The following TSPEAR variants were observed in gnomAD, a reference collection of about 807,000 sequenced individuals.
The protein encoded by TSPEAR is thrombospondin-type laminin G domain and EAR repeat-containing protein.
TSPEAR carries 69 observed loss-of-function variants against 71.6 expected under a neutral mutation model. That is an observed-to-expected ratio of 0.96 (90% CI 0.79 to 1.18). The LOEUF is 1.18. Among genes scored for constraint, TSPEAR ranks in the 50% most tolerant of loss-of-function variants. TSPEAR has a pLI of 0.00. For synonymous variants in TSPEAR, 402 were observed against 387.2 expected, an observed-to-expected ratio of 1.04 and a Z score of -0.45; for missense variants, 971 against 894.9, an observed-to-expected ratio of 1.09 and a Z score of -1.09.
rs375783785 is a variant in TSPEAR, at chr21:44,577,520, C to T, written c.83-9515G>A. Among the ~76,000 whole-genome samples the T allele has an allele frequency of 2.3e-3, 347 of 152,252 alleles. 1 individual carries two copies. Among genetic ancestry groups the T allele is most frequent in the African/African-American group, 7.5e-3 (310 of 41,542 alleles). ...GAGACAGAGAGGAGGGAGTGCCAGG[C>T]TCTTGTAAACAACCAGCTGTCCATG... On this transcript the variant is annotated intron_variant, in intron 1 of 11. Transcript: ENST00000323084.
intron 2 of TSPEAR, among the ~76,000 whole-genome samples, chr21:44,554,788 T>C (rs233246): frequency 0.22 from 33,341 of 152,166 alleles, 3,851 homozygotes; most frequent in East Asian, 0.37. Flanking sequence ...CATCTTTAAA[T>C]GTGGCTGTTA....
intron 7 of TSPEAR, 51 bp downstream of exon 7, chr21:44,527,241 G>A (rs369874992): frequency 9.4e-6 from 15 of 1,602,048 alleles, no homozygotes; most frequent in East Asian, 2.2e-5. Context: ...CTGTGGACTC[G>A]GGGCTTTCCA....
At chr21:44,610,969 G>C (rs1268617234) in intron 1 of TSPEAR, among the ~76,000 whole-genome samples, 1 of 152,198 alleles carries the variant, frequency 6.6e-6, no homozygotes, top group Non-Finnish European at 1.5e-5. Flanking sequence ...CTGCCATTTG[G>C]AATGGCTGTA....
At position 44,697,705 on chromosome 21, in the gene TSPEAR, G is replaced by T. The variant is rs1555950931; in HGVS notation, c.82+13728C>A. 5 of 1,611,966 alleles carry T rather than the reference G, an allele frequency of 3.1e-6. No homozygotes were observed. In the African/African-American group the frequency reaches 6.8e-5, roughly 22 times the overall value. ...TCTGCTGTGTGCCTGTCTGCTCTGG[G>T]GCCTCCTCTCTGTGCTGCCAGCAGT... is the stretch of plus-strand genomic sequence containing the variant. On this transcript the variant is annotated intron_variant, in intron 1 of 11. Coordinates refer to ENST00000323084, the MANE Select transcript of TSPEAR (RefSeq NM_144991.3).
At chr21:44,518,111 CTCTG>C (rs374877596) in intron 9 of TSPEAR, 109 of 355,872 alleles carry the variant, frequency 3.1e-4, no homozygotes, top group African/African-American at 2.1e-3. Context: ...TGTCCAAGCT[CTCTG>C]TCTCATTAGT....
intron 1 of TSPEAR, among the ~76,000 whole-genome samples, chr21:44,650,957 G>A (rs1467377147): frequency 2.6e-5 from 4 of 152,206 alleles, no homozygotes; most frequent in Non-Finnish European, 5.9e-5. Context: ...GGGAGGACAG[G>A]GTGACACTCC....
intron 8 of TSPEAR, among the ~76,000 whole-genome samples, chr21:44,523,170 T>TCAGC (rs1212489936): frequency 6.9e-6 from 1 of 144,168 alleles, no homozygotes; most frequent in Non-Finnish European, 1.5e-5. Flanking sequence ...GGTCAGTCAG[T>TCAGC]CAGCCAGCCA....
intron 11 of TSPEAR, among the ~76,000 whole-genome samples, chr21:44,502,776 G>A (rs587665220): frequency 1.7e-4 from 26 of 152,368 alleles, no homozygotes; most frequent in Admixed American, 5.9e-4. Flanking sequence ...GCTGTGAGCC[G>A]GTGGCACCTG....
Position 44,568,000 on chromosome 21 carries a change from G to A in TSPEAR, c.88C>T (p.Arg30Cys), listed in dbSNP as rs138759270. ...TQGWEPCTDL[R>C]PLDILAEVVP... ...ACTTCCGCCAGGATGTCCAGGGGGC[G>A]CAGGTCTGTGGCAAAGAAATCACAG... The change falls in exon 2 of 12, where the codon CGC becomes TGC. Residue 30 changes from arginine (R) to cysteine (C), a missense_variant. Transcript: ENST00000323084. 688 of 1,525,892 alleles carry A rather than the reference G, an allele frequency of 4.5e-4. No homozygotes were observed. Among genetic ancestry groups the A allele is most frequent in the Admixed American group, 8.1e-4 (40 of 49,132 alleles). 94.5% of individuals were successfully genotyped at this position (1,525,892 alleles called of 1,614,324 possible).
Position 44,710,624 on chromosome 21 carries a change from CT to C in TSPEAR, c.82+808del, listed in dbSNP as rs1455275904. Among the ~76,000 whole-genome samples, 6 of 152,228 alleles carry C rather than the reference CT, an allele frequency of 3.9e-5. No homozygotes were observed. Among genetic ancestry groups the C allele is most frequent in the African/African-American group, 1.2e-4 (5 of 41,458 alleles). On this transcript the variant is annotated intron_variant, in intron 1 of 11. Coordinates refer to ENST00000323084, the MANE Select transcript of TSPEAR (RefSeq NM_144991.3). The surrounding 1 kb of genome is among the most constrained non-coding windows in gnomAD (Gnocchi z 4.6). ...AGCGCAAGCCATCTCCTCGCCTCCC[CT>C]GATAGCCGTGCTGCGGAGCCTGAGT... is the stretch of plus-strand genomic sequence containing the variant.
At chr21:44,511,524 G>C (rs1381327025) in intron 9 of TSPEAR, among the ~76,000 whole-genome samples, 1 of 152,126 alleles carries the variant, frequency 6.6e-6, no homozygotes, top group Non-Finnish European at 1.5e-5. Flanking sequence ...GTGTCCATGT[G>C]CATATGTGTA....
intron 9 of TSPEAR, among the ~76,000 whole-genome samples, chr21:44,514,447 G>A (rs1268291473): frequency 2.6e-5 from 4 of 152,272 alleles, no homozygotes; most frequent in East Asian, 3.9e-4. Flanking sequence ...GCACCAAGTC[G>A]GGGGCCCAGC....
chr21:44,642,893 G>A lies in TSPEAR; in HGVS notation c.82+68540C>T, dbSNP rs1277665166. On this transcript the variant is annotated intron_variant, in intron 1 of 11. Transcript: ENST00000323084. This position sits in a 1 kb window ranked among gnomAD's most constrained non-coding sequence, Gnocchi z 4.1. Reference sequence around the variant, plus strand: ...ATTAAAAATGGAACTACCATGTGATGAGCAATCCCACTTCTGTGTATTTAA... The same window carrying A: ...ATTAAAAATGGAACTACCATGTGATAAGCAATCCCACTTCTGTGTATTTAA... 4.6e-5 allele frequency among the ~76,000 whole-genome samples: 7 copies of A among 152,092 alleles called. No individual in the cohort carries two copies. The highest frequency in any genetic ancestry group is 1.0e-4 in the Non-Finnish European group (7 of 68,008).
At chr21:44,616,292 T>C (rs1415269579) in intron 1 of TSPEAR, among the ~76,000 whole-genome samples, 2 of 152,142 alleles carry the variant, frequency 1.3e-5, no homozygotes, top group Admixed American at 1.3e-4. Context: ...TGCCCTTTTG[T>C]CTCTAAAGCG....
At chr21:44,632,513 A>C (rs1555935887) in intron 1 of TSPEAR, among the ~76,000 whole-genome samples, 1 of 152,266 alleles carries the variant, frequency 6.6e-6, no homozygotes, top group Non-Finnish European at 1.5e-5. Flanking sequence ...ATCAAAGGGC[A>C]CTAGACAATA....
chr21:44,626,205 T>A (rs1982766256), intron 1 of TSPEAR, among the ~76,000 whole-genome samples: 1 of 152,254 alleles, frequency 6.6e-6, no homozygotes, highest in African/African-American at 2.4e-5. Flanking sequence ...ATATTATAAT[T>A]AGCTGCTGGG....
chr21:44,644,088 A>G (rs1486086429), intron 1 of TSPEAR, among the ~76,000 whole-genome samples: 1 of 152,192 alleles, frequency 6.6e-6, no homozygotes, highest in Non-Finnish European at 1.5e-5. Context: ...AGCCAGGGCC[A>G]TTTAATCCCT....
chr21:44,503,585 C>T (rs587624272), intron 11 of TSPEAR, among the ~76,000 whole-genome samples: 9 of 124,722 alleles, frequency 7.2e-5, no homozygotes, highest in African/African-American at 2.6e-4. Context: ...AAGCTGGCCT[C>T]GGTGAGCCCT....
intron 2 of TSPEAR, 141 bp from the exon 3 acceptor site, chr21:44,534,064 C>T (rs1040920983): frequency 9.5e-5 from 59 of 621,248 alleles, no homozygotes; most frequent in Admixed American, 4.2e-4. Flanking sequence ...TGAGGGGGCG[C>T]GGTGGATGGG....
Sources: gnomAD v4.1 joint callset for allele counts (sites outside exome capture counted in the v4.1 genomes callset) on GRCh38, gnomAD v4.1.1 for gene constraint, Gnocchi (gnomAD v3.1) non-coding constraint, MANE v1.5 for transcripts, NCBI Gene and HGNC (gene_info 2026-07-23, HGNC 2026-07-21) for gene names.